The following NEO1 variants were observed in gnomAD, a reference collection of about 807,000 sequenced individuals.
NEO1 encodes neogenin 1.
NEO1 carries 63 observed loss-of-function variants against 159.7 expected under a neutral mutation model. That is an observed-to-expected ratio of 0.39 (90% CI 0.32 to 0.49). The LOEUF (loss-of-function observed/expected upper bound fraction) is 0.49. NEO1 is among the 20% of genes least tolerant of loss of function. The pLI, the probability that NEO1 is intolerant of heterozygous loss-of-function variation, is 0.85. For synonymous variants in NEO1, 633 were observed against 662.0 expected, an observed-to-expected ratio of 0.96 and a Z score of 0.67; for missense variants, 1,615 against 1,831.0, an observed-to-expected ratio of 0.88 and a Z score of 2.15.
intron 2 of NEO1, among the ~76,000 whole-genome samples, chr15:73,120,452 G>T (rs1188845703): frequency 6.6e-6 from 1 of 150,756 alleles, no homozygotes; most frequent in East Asian, 1.9e-4. Flanking sequence ...TGTGATTTAT[G>T]TTTGGACTAA....
rs74022930 is a variant in NEO1 at position 73,262,666 on chromosome 15, T to C, written c.2398+2201T>C. On this transcript the variant is annotated intron_variant, in intron 15 of 28. Transcript: ENST00000261908. ...ACTAGCTGGTAGGAATGTTTGACAG[T>C]ACAACCACTTTGGAAAACAGTTTAG... Among the ~76,000 whole-genome samples the C allele has an allele frequency of 7.3e-3, 1,105 of 152,308 alleles. 11 individuals are homozygous for C. Among genetic ancestry groups the C allele is most frequent in the African/African-American group, 0.025 (1,043 of 41,570 alleles).
intron 16 of NEO1, among the ~76,000 whole-genome samples, chr15:73,269,007 T>C (rs2041045309): frequency 1.3e-5 from 2 of 152,350 alleles, no homozygotes; most frequent in African/African-American, 4.8e-5. Context: ...CTATGGTAGA[T>C]AGTCCAGCAT....
At chr15:73,213,775 G>A (rs1005411863) in intron 7 of NEO1, among the ~76,000 whole-genome samples, 1 of 152,142 alleles carries the variant, frequency 6.6e-6, no homozygotes, top group African/African-American at 2.4e-5. Context: ...TTTCCTCTGG[G>A]TAGATACCCA....
intron 7 of NEO1, among the ~76,000 whole-genome samples, chr15:73,209,249 G>T (rs955629020): frequency 3.3e-4 from 51 of 152,320 alleles, no homozygotes; most frequent in African/African-American, 1.0e-3. Context: ...GGAACAACCT[G>T]TGTACAGCCT....
intron 7 of NEO1, among the ~76,000 whole-genome samples, chr15:73,230,282 T>A (rs2038834010): frequency 6.6e-6 from 1 of 152,214 alleles, no homozygotes; most frequent in Admixed American, 6.5e-5. Context: ...TTTATGTTCT[T>A]CTAAGAATTT....
At chr15:73,277,968 C>A (rs955097611) in intron 21 of NEO1, among the ~76,000 whole-genome samples, 163 bp from the exon 22 acceptor site, 2 of 152,182 alleles carry the variant, frequency 1.3e-5, no homozygotes, top group Admixed American at 1.3e-4. Flanking sequence ...GTTTGCTTTC[C>A]ACACATAGAC....
At chr15:73,141,768 T>C (rs2032409128) in intron 5 of NEO1, among the ~76,000 whole-genome samples, 2 of 152,236 alleles carry the variant, frequency 1.3e-5, no homozygotes, top group South Asian at 4.1e-4. Flanking sequence ...TCTCAGTCTT[T>C]GTGATTTCAC....
intron 7 of NEO1, among the ~76,000 whole-genome samples, chr15:73,231,231 C>T (rs1384244385): frequency 6.6e-6 from 1 of 152,080 alleles, no homozygotes. Flanking sequence ...TCATAATCTT[C>T]TTTATAAGAA....
At chr15:73,102,029 T>A (rs1021157707) in intron 1 of NEO1, among the ~76,000 whole-genome samples, 1 of 152,178 alleles carries the variant, frequency 6.6e-6, no homozygotes, top group Non-Finnish European at 1.5e-5. Flanking sequence ...AATAACTCAT[T>A]AGAAATGTAA....
intron 5 of NEO1, among the ~76,000 whole-genome samples, chr15:73,169,574 G>T (rs2034812257): frequency 6.7e-6 from 1 of 149,124 alleles, no homozygotes; most frequent in Non-Finnish European, 1.5e-5. Context: ...TGCTTATGAT[G>T]ATTTTTTCTA....
At chr15:73,132,609 C>G (rs1006565653) in intron 4 of NEO1, among the ~76,000 whole-genome samples, 1 of 151,948 alleles carries the variant, frequency 6.6e-6, no homozygotes, top group Non-Finnish European at 1.5e-5. Context: ...ACCCAGAGCT[C>G]GGGAGAAAAG....
rs149583383 is a variant in NEO1 at position 73,204,294 on chromosome 15, G to GGT, written c.1291+25870_1291+25871dup. 8.5e-3 allele frequency among the ~76,000 whole-genome samples: 1,293 copies of GGT among 151,872 alleles called. 21 individuals are homozygous for GGT. Among genetic ancestry groups the GGT allele is most frequent in the African/African-American group, 0.029 (1,222 of 41,440 alleles). On this transcript the variant is annotated intron_variant, in intron 7 of 28. Coordinates refer to ENST00000261908, the MANE Select transcript of NEO1 (RefSeq NM_002499.4). ...CTGCAGTTTGGGTATGATGTGCTTA[G>GGT]GTGTAGATTTTTAAAATATTTATTG...
Position 73,176,393 on chromosome 15 carries a change from T to G in NEO1, c.1016-10T>G, listed in dbSNP as rs2035282992. 6.6e-7 allele frequency: 1 copy of G among 1,517,662 alleles called. No individual in the cohort carries two copies. Among genetic ancestry groups the G allele is most frequent in the East Asian group, 2.4e-5 (1 of 42,434 alleles). The allele number at this position is 1,517,662 out of a possible 1,614,324, so 94.0% of individuals were successfully genotyped here. On this transcript the variant is annotated splice_polypyrimidine_tract_variant and intron_variant, in intron 5 of 28. Transcript: ENST00000261908. ...TTCATTAATGTCTTAATTTCCTTTT[T>G]ATTTTAAAGCTCAACCTGAATTCCT...
rs1294715959 is a variant in NEO1, at chr15:73,116,699, C to T, written c.290C>T (p.Ser97Leu). Residue 97 changes from serine (S) to leucine (L), a missense_variant, in exon 2 of 29, where the codon TCA becomes TTA. Ser to Leu is a moderately radical substitution (Grantham distance 145). Coordinates refer to ENST00000261908, the MANE Select transcript of NEO1 (RefSeq NM_002499.4). ...KKDGTFLNLV[S>L]DDRRQLLPDG... is the part of the protein sequence containing the mutation. ...GATGGAACTTTTTTAAACTTAGTAT[C>T]AGATGATCGACGCCAGCTTCTCCCG... The T allele has an allele frequency of 1.2e-6, 2 of 1,613,924 alleles. No individual in the cohort carries two copies. Among genetic ancestry groups the T allele is most frequent in the Admixed American group, 3.3e-5 (2 of 60,008 alleles).
chr15:73,245,804 A>G (rs1169305941), intron 9 of NEO1, among the ~76,000 whole-genome samples: 2 of 151,668 alleles, frequency 1.3e-5, no homozygotes, highest in Non-Finnish European at 2.9e-5. Flanking sequence ...GATGGTCTCA[A>G]TCTCCTGACC....
intron 5 of NEO1, among the ~76,000 whole-genome samples, chr15:73,166,018 A>C (rs1434734111): frequency 6.6e-6 from 1 of 151,710 alleles, no homozygotes; most frequent in Non-Finnish European, 1.5e-5. Context: ...TCTTAGGCAA[A>C]CCTCCCTGTG....
rs150727403 is a variant in NEO1 at position 73,289,147 on chromosome 15, G to A, written c.3651G>A (p.Gly1217=). 4.0e-5 allele frequency: 64 copies of A among 1,613,612 alleles called. No individual in the cohort carries two copies. The African/African-American group carries it at 7.9e-4, about 20-fold the overall frequency. ...NIHQRRNSYR[G]HESEDSMSTL... ...CTAACCTCCACGTTTAACATCTAGG[G>A]CATGAGTCAGAGGACAGCATGTCTA... Residue 1217 remains glycine, a splice_region_variant and synonymous_variant, in exon 25 of 29, where the codon GGG becomes GGA. Transcript: ENST00000261908.
intron 7 of NEO1, among the ~76,000 whole-genome samples, chr15:73,205,905 A>AT (rs1038026649): frequency 2.0e-4 from 31 of 151,494 alleles, no homozygotes; most frequent in African/African-American, 7.3e-4. Flanking sequence ...AACATCTGTA[A>AT]TTTTTTTTTT....
chr15:73,144,118 A>G (rs922897505), intron 5 of NEO1, among the ~76,000 whole-genome samples: 34 of 152,322 alleles, frequency 2.2e-4, no homozygotes, highest in South Asian at 2.1e-4. Flanking sequence ...TTTGTTTTTC[A>G]TAGACTTCTA....
Sources: allele counts gnomAD v4.1 joint callset (sites outside exome capture counted in the v4.1 genomes callset), GRCh38; gene constraint gnomAD v4.1.1; transcripts MANE v1.5; gene names NCBI Gene and HGNC (gene_info 2026-07-23, HGNC 2026-07-21).